Variants in CATSPERD observed in about 807,000 individuals in gnomAD.
The protein encoded by CATSPERD is catsper channel auxiliary subunit delta, also known as cation channel sperm-associated auxiliary subunit delta.
Under a neutral mutation model 98.1 loss-of-function variants are expected in CATSPERD, and 86 were observed. That is an observed-to-expected ratio of 0.88 (90% CI 0.74 to 1.05). CATSPERD has a LOEUF of 1.05. CATSPERD is among the 50% of genes least tolerant of loss of function. The pLI is 0.00. For missense variants in CATSPERD, 995 were observed against 1,005.7 expected, an observed-to-expected ratio of 0.99 and a Z score of 0.14; for synonymous variants, 394 against 390.2, an observed-to-expected ratio of 1.01 and a Z score of -0.12.
intron 2 of CATSPERD, among the ~76,000 whole-genome samples, chr19:5,725,612 A>T (rs2055589051): frequency 6.6e-6 from 1 of 152,070 alleles, no homozygotes. Context: ...ACAAAATTGC[A>T]TAATTTTGGC....
intron 7 of CATSPERD, among the ~76,000 whole-genome samples, chr19:5,742,411 G>A (rs1046423657): frequency 9.2e-5 from 14 of 152,294 alleles, no homozygotes; most frequent in Middle Eastern, 3.4e-3. Flanking sequence ...TTCAAGAGGA[G>A]AGGTTACCGC....
chr19:5,736,207 G>A (rs1015955037), intron 5 of CATSPERD, among the ~76,000 whole-genome samples: 13 of 151,964 alleles, frequency 8.6e-5, no homozygotes, highest in East Asian at 1.9e-4. Context: ...CCACCGAGTC[G>A]GGCCAACTGG....
intron 6 of CATSPERD, 87 bp downstream of exon 6, chr19:5,737,292 G>A: frequency 1.1e-6 from 1 of 890,490 alleles, no homozygotes; most frequent in Non-Finnish European, 1.8e-6. Context: ...TGGGCGTGGT[G>A]GCTCATACCT....
At chr19:5,773,366 G>A (rs1437031846) in intron 20 of CATSPERD, among the ~76,000 whole-genome samples, 12 of 152,092 alleles carry the variant, frequency 7.9e-5, no homozygotes, top group Admixed American at 7.9e-4. Flanking sequence ...GGTGTACAAG[G>A]CCTTTGAGGA....
chr19:5,763,847 C>CTTT (rs56352544), intron 16 of CATSPERD, among the ~76,000 whole-genome samples: 2,089 of 62,072 alleles, frequency 0.034, 381 homozygotes, highest in Non-Finnish European at 0.048. Flanking sequence ...TCTTGAACTC[C>CTTT]TTTTTTTTTT....
intron 19 of CATSPERD, among the ~76,000 whole-genome samples, chr19:5,771,423 A>G (rs1443447189): frequency 3.9e-5 from 6 of 152,000 alleles, no homozygotes; most frequent in African/African-American, 7.2e-5. Flanking sequence ...TAATTAGCAG[A>G]GATTTGGTTT....
intron 1 of CATSPERD, among the ~76,000 whole-genome samples, chr19:5,722,935 T>G (rs2055522864): frequency 6.6e-6 from 1 of 152,024 alleles, no homozygotes; most frequent in Admixed American, 6.6e-5. Context: ...ACGCCTGTAA[T>G]CCCAGCACTT....
intron 11 of CATSPERD, among the ~76,000 whole-genome samples, chr19:5,750,450 CAAAAAAAAAAAA>C (rs60496454): frequency 2.1e-5 from 1 of 48,660 alleles, no homozygotes; most frequent in Admixed American, 3.4e-4. Flanking sequence ...GACTCTGTCT[CAAAAAAAAAAAA>C]AAAAAAAAAA....
chr19:5,763,697 C>A (rs1291056190), intron 16 of CATSPERD, among the ~76,000 whole-genome samples: 2 of 151,968 alleles, frequency 1.3e-5, no homozygotes, highest in Non-Finnish European at 2.9e-5. Context: ...GTTGGCCAGG[C>A]TGGTCTTGAA....
chr19:5,720,867 T>A (rs1417895892), intron 1 of CATSPERD, 59 bp downstream of exon 1: 2 of 1,458,860 alleles, frequency 1.4e-6, no homozygotes, highest in Non-Finnish European at 1.9e-6. Context: ...GGGTGCTGGT[T>A]CATCTTGGAG....
Position 5,739,298 on chromosome 19 carries a change from ATTCTTTCT to A in CATSPERD, c.460-21_460-14del. ...ACGTACTTGCTGGCATCTTTCTTTC[ATTCTTTCT>A]TTCTTTTTTTTTTTTATAGCATGTC... On this transcript the variant is annotated intron_variant, in intron 6 of 21. Coordinates refer to ENST00000381624, the MANE Select transcript of CATSPERD (RefSeq NM_152784.4). 2 of 1,245,068 alleles carry A rather than the reference ATTCTTTCT, an allele frequency of 1.6e-6. No homozygotes were observed. Among genetic ancestry groups the A allele is most frequent in the Non-Finnish European group, 2.3e-6 (2 of 872,684 alleles). 77.1% of individuals were successfully genotyped at this position (1,245,068 alleles called of 1,614,324 possible).
Position 5,729,888 on chromosome 19 carries a change from A to T in CATSPERD, c.220A>T (p.Thr74Ser). 6.3e-7 allele frequency: 1 copy of T among 1,591,404 alleles called. No individual in the cohort carries two copies. The highest frequency in any genetic ancestry group is 8.6e-7 in the Non-Finnish European group (1 of 1,165,160). The change falls in exon 4 of 22, where the codon ACA becomes TCA. Residue 74 changes from threonine (T) to serine (S), a missense_variant. Around this residue, in one of 3 missense-constraint regions of CATSPERD, gnomAD observed 228 missense variants for 209.6 expected, o/e 1.09. Transcript: ENST00000381624. ...ALYLGKQVFFTMDNFETSLLP... is the reference protein window; with the variant it reads ...ALYLGKQVFFSMDNFETSLLP... ...TTATTTCAGGAAACAAGTTTTTTTCACAATGGATAACTTTGAGACTAGTCT... is the reference window on the plus strand; with the variant it reads ...TTATTTCAGGAAACAAGTTTTTTTCTCAATGGATAACTTTGAGACTAGTCT...
intron 20 of CATSPERD, 98 bp from the exon 21 acceptor site, chr19:5,776,063 A>G (rs1219539080): frequency 4.2e-5 from 55 of 1,312,156 alleles, no homozygotes; most frequent in Non-Finnish European, 5.5e-5. Flanking sequence ...GTGCCTAATG[A>G]GGACTGGGGT....
At chr19:5,775,600 G>A (rs2056726907) in intron 20 of CATSPERD, among the ~76,000 whole-genome samples, 1 of 136,578 alleles carries the variant, frequency 7.3e-6, no homozygotes, top group Non-Finnish European at 1.5e-5. Flanking sequence ...AGTAAGCCGA[G>A]ATCGCGCCAC....
rs35730088 is a variant in CATSPERD, at chr19:5,737,546, C to CA, written c.459+362dup. The stretch of plus-strand genomic sequence containing the variant: ...GCCTGGGCAACTAGCAAGACTCTGT[C>CA]AAAAAAAAAAAAAAAAAAAAAGACT... On this transcript the variant is annotated intron_variant, in intron 6 of 21. Transcript: ENST00000381624. 3.8e-3 allele frequency among the ~76,000 whole-genome samples: 264 copies of CA among 69,342 alleles called. 1 individual carries two copies. Among genetic ancestry groups the CA allele is most frequent in the Middle Eastern group, 0.014 (1 of 70 alleles). The allele number at this position is 69,342 out of a possible 152,430, so 45.5% of individuals were successfully genotyped here.
intron 19 of CATSPERD, 23 bp from the exon 20 acceptor site, chr19:5,772,765 C>G: frequency 6.2e-7 from 1 of 1,609,074 alleles, no homozygotes; most frequent in Non-Finnish European, 8.5e-7. Flanking sequence ...CCTGCACAGC[C>G]CTGCCCCGTG....
Position 5,754,215 on chromosome 19 carries a change from A to G in CATSPERD, c.1248A>G (p.Ile416Met), listed in dbSNP as rs1453389024. ...HSQLELTASL[I>M]PQPGTSLIPL... The stretch of plus-strand genomic sequence containing the variant: ...AGCTGGAATTGACTGCTTCGTTGAT[A>G]CCCCAGCCAGGCACATCCCTGATTC... The change falls in exon 13 of 22, where the codon ATA becomes ATG. Residue 416 changes from isoleucine (I) to methionine (M), a missense_variant. This residue lies in a region of CATSPERD where 762 missense variants were observed against 773.7 expected (regional missense o/e 0.98). Coordinates refer to ENST00000381624, the MANE Select transcript of CATSPERD (RefSeq NM_152784.4). The G allele has an allele frequency of 6.2e-7, 1 of 1,613,668 alleles. No homozygotes were observed.
chr19:5,750,215 A>G lies in CATSPERD; in HGVS notation c.987+1032A>G, dbSNP rs558855126. On this transcript the variant is annotated intron_variant, in intron 11 of 21. Coordinates refer to ENST00000381624, the MANE Select transcript of CATSPERD (RefSeq NM_152784.4). Reference sequence around the variant, plus strand: ...TGTAATCCCAGCACCTTGGGTGGCCAAGGTGGGCGGATCACGAGTTCAGGA... The same window carrying G: ...TGTAATCCCAGCACCTTGGGTGGCCGAGGTGGGCGGATCACGAGTTCAGGA... Among the ~76,000 whole-genome samples, 48 of 149,676 alleles carry G rather than the reference A, an allele frequency of 3.2e-4. No individual in the cohort carries two copies. In the East Asian group the frequency reaches 5.6e-3, roughly 18 times the overall value.
At chr19:5,734,919 C>G (rs2055812810) in intron 5 of CATSPERD, among the ~76,000 whole-genome samples, 1 of 151,966 alleles carries the variant, frequency 6.6e-6, no homozygotes, top group Admixed American at 6.6e-5. Context: ...GGATTATGAG[C>G]ATTGTCCCTC....
Sources: gnomAD v4.1 joint callset for allele counts (sites outside exome capture counted in the v4.1 genomes callset) on GRCh38, gnomAD v4.1.1 for gene constraint, gnomAD v4.1.1 regional missense constraint, MANE v1.5 for transcripts, NCBI Gene and HGNC (gene_info 2026-07-23, HGNC 2026-07-21) for gene names.